SRRM4: variants seen among roughly 807,000 people sequenced by gnomAD.
SRRM4 encodes serine/arginine repetitive matrix 4.
SRRM4 carries 33 observed loss-of-function variants against 68.9 expected under a neutral mutation model. The observed-to-expected ratio is 0.48, with a 90% CI of 0.36 to 0.64. The LOEUF (loss-of-function observed/expected upper bound fraction) is 0.64. SRRM4 is among the 30% of genes least tolerant of loss of function. The probability of loss-of-function intolerance (pLI) is 0.00; values close to 1 mark genes in which losing one functional copy is unlikely to be tolerated. For missense variants in SRRM4, 817 were observed against 827.1 expected, an observed-to-expected ratio of 0.99 and a Z score of 0.15; for synonymous variants, 318 against 318.8, an observed-to-expected ratio of 1.00 and a Z score of 0.03.
chr12:118,991,279 T>C (rs1161935982), intron 1 of SRRM4, among the ~76,000 whole-genome samples: 1 of 152,210 alleles, frequency 6.6e-6, no homozygotes, highest in Admixed American at 6.5e-5. Flanking sequence ...CTTCCTGCCA[T>C]GGAGCCTTTG....
At chr12:119,055,662 T>C (rs1226305823) in intron 1 of SRRM4, among the ~76,000 whole-genome samples, 1 of 152,208 alleles carries the variant, frequency 6.6e-6, no homozygotes, top group Non-Finnish European at 1.5e-5. Context: ...TGTTCTGTCA[T>C]GAGTAATAAG....
chr12:119,119,412 C>T (rs1954203639), intron 4 of SRRM4, among the ~76,000 whole-genome samples: 1 of 151,436 alleles, frequency 6.6e-6, no homozygotes, highest in South Asian at 2.1e-4. Flanking sequence ...GAAGTCTGTA[C>T]CCTGATGATG....
intron 2 of SRRM4, among the ~76,000 whole-genome samples, chr12:119,109,297 G>A (rs936841744): frequency 6.6e-6 from 1 of 152,066 alleles, no homozygotes; most frequent in African/African-American, 2.4e-5. Flanking sequence ...ACAGTTATGT[G>A]TCTTGGAGTT....
intron 4 of SRRM4, 97 bp downstream of exon 4, chr12:119,117,105 T>A (rs1229698617): frequency 2.9e-5 from 29 of 994,910 alleles, no homozygotes; most frequent in Non-Finnish European, 1.9e-5. Context: ...ATCATGTCAT[T>A]TATGTAAAAC....
intron 1 of SRRM4, among the ~76,000 whole-genome samples, chr12:119,077,864 G>A (rs890986167): frequency 2.6e-5 from 4 of 152,084 alleles, no homozygotes; most frequent in African/African-American, 4.8e-5. Flanking sequence ...AGTGATTTTA[G>A]GGGAACTTTC....
chr12:119,004,940 T>C (rs1223219521), intron 1 of SRRM4, among the ~76,000 whole-genome samples: 3 of 150,518 alleles, frequency 2.0e-5, no homozygotes, highest in Non-Finnish European at 4.4e-5. Flanking sequence ...ATTATTTCAC[T>C]GTATTTCAGG....
At chr12:119,071,967 T>TA (rs1261132120) in intron 1 of SRRM4, among the ~76,000 whole-genome samples, 1 of 152,208 alleles carries the variant, frequency 6.6e-6, no homozygotes, top group Non-Finnish European at 1.5e-5. Context: ...AGGTGAGAAA[T>TA]ACGAGCTCAT....
chr12:119,007,670 G>A (rs563997862), intron 1 of SRRM4, among the ~76,000 whole-genome samples: 30 of 152,262 alleles, frequency 2.0e-4, no homozygotes, highest in Admixed American at 1.5e-3. Context: ...AGTGACTTGC[G>A]CAAGGTCACA....
chr12:119,120,454 C>T (rs1220958373), intron 5 of SRRM4, among the ~76,000 whole-genome samples, 178 bp downstream of exon 5: 1 of 152,132 alleles, frequency 6.6e-6, no homozygotes, highest in Non-Finnish European at 1.5e-5. Context: ...GTATTCCAAG[C>T]CAGCTTTTGA....
intron 1 of SRRM4, among the ~76,000 whole-genome samples, chr12:119,073,292 T>A (rs1953888822): frequency 6.9e-6 from 1 of 145,242 alleles, no homozygotes; most frequent in African/African-American, 2.6e-5. Flanking sequence ...TTGGAGTCTC[T>A]ATTTCTCTCT....
At chr12:119,110,772 C>G (rs1954137597) in intron 2 of SRRM4, among the ~76,000 whole-genome samples, 1 of 152,184 alleles carries the variant, frequency 6.6e-6, no homozygotes, top group Non-Finnish European at 1.5e-5. Flanking sequence ...CCTTGCACTT[C>G]CCAGGTGAGG....
At chr12:119,059,055 G>A (rs1283377286) in intron 1 of SRRM4, among the ~76,000 whole-genome samples, 1 of 152,116 alleles carries the variant, frequency 6.6e-6, no homozygotes, top group East Asian at 1.9e-4. Flanking sequence ...TCTGTGCCCA[G>A]CAAGCTCAAG....
chr12:119,007,721 G>C (rs1178357707), intron 1 of SRRM4, among the ~76,000 whole-genome samples: 1 of 152,170 alleles, frequency 6.6e-6, no homozygotes, highest in Non-Finnish European at 1.5e-5. Flanking sequence ...TTTGGTCTTG[G>C]GACTTGAAAT....
At chr12:119,130,214 AGATG>A (rs1341123517) in intron 7 of SRRM4, among the ~76,000 whole-genome samples, 2 of 150,348 alleles carry the variant, frequency 1.3e-5, no homozygotes, top group African/African-American at 4.9e-5. Context: ...TTAGACAGAT[AGATG>A]GATGGATGGA....
intron 1 of SRRM4, among the ~76,000 whole-genome samples, chr12:119,055,223 G>T (rs777748429): frequency 6.6e-6 from 1 of 152,048 alleles, no homozygotes; most frequent in Non-Finnish European, 1.5e-5. Context: ...CTGGAGTTTC[G>T]TCACTTCTCT....
chr12:119,060,744 A>G (rs544588066), intron 1 of SRRM4, among the ~76,000 whole-genome samples: 19 of 151,888 alleles, frequency 1.3e-4, no homozygotes, highest in Non-Finnish European at 2.5e-4. Flanking sequence ...GATCCTCTGT[A>G]TTTTACATTC....
chr12:119,105,872 TG>T (rs1439354649), intron 2 of SRRM4, among the ~76,000 whole-genome samples: 1 of 152,208 alleles, frequency 6.6e-6, no homozygotes, highest in Non-Finnish European at 1.5e-5. Context: ...TTGCTTTTGG[TG>T]TTTTAGTCAT....
chr12:119,125,467 G>T lies in SRRM4; in HGVS notation c.602G>T (p.Ser201Ile). 1 of 1,599,776 alleles carries T rather than the reference G, an allele frequency of 6.3e-7. No individual in the cohort carries two copies. Among genetic ancestry groups the T allele is most frequent in the Non-Finnish European group, 8.5e-7 (1 of 1,173,570 alleles). ...CAGAGCTCGGAGTCCCGCCCCTCAA[G>T]CTGTGAGAGCAGGTAACCCCTTGCC... is the stretch of plus-strand genomic sequence containing the variant. ...RSQSSESRPS[S>I]CESRHRGRSP... Residue 201 changes from serine to isoleucine, a missense_variant, in exon 7 of 13, where the codon AGC becomes ATC. Transcript: ENST00000267260.
At chr12:119,103,968 G>A (rs553571441) in intron 2 of SRRM4, among the ~76,000 whole-genome samples, 6 of 152,204 alleles carry the variant, frequency 3.9e-5, no homozygotes, top group East Asian at 1.9e-4. Flanking sequence ...GCACCACAGC[G>A]CTTCAGCCTG....
Sources: gnomAD v4.1 joint callset for allele counts (sites outside exome capture counted in the v4.1 genomes callset) on GRCh38, gnomAD v4.1.1 for gene constraint, MANE v1.5 for transcripts, NCBI Gene and HGNC (gene_info 2026-07-23, HGNC 2026-07-21) for gene names.